The following CPNE4 variants were observed in gnomAD, a reference collection of about 807,000 sequenced individuals.
The protein encoded by CPNE4 is copine 4.
CPNE4 carries 25 observed loss-of-function variants against 67.9 expected under a neutral mutation model. The ratio of observed to expected loss-of-function variants is 0.37; its 90% CI spans 0.27 to 0.51. CPNE4 has a LOEUF of 0.51. Among genes scored for constraint, CPNE4 ranks in the 20% least tolerant of loss-of-function variants. The pLI is 0.93. For missense variants in CPNE4, 464 were observed against 690.8 expected, an observed-to-expected ratio of 0.67 and a Z score of 3.68; for synonymous variants, 242 against 244.9, an observed-to-expected ratio of 0.99 and a Z score of 0.11.
chr3:132,035,599 T>G (rs1410840135), upstream of CPNE4, among the ~76,000 whole-genome samples: 1 of 152,220 alleles, frequency 6.6e-6, no homozygotes, highest in African/African-American at 2.4e-5. Flanking sequence ...AAATATGCTG[T>G]CTTATGTAAG....
intron 2 of CPNE4, among the ~76,000 whole-genome samples, chr3:131,855,408 T>A (rs1487260643): frequency 6.6e-6 from 1 of 152,012 alleles, no homozygotes; most frequent in Non-Finnish European, 1.5e-5. Flanking sequence ...ATCTACAGCT[T>A]CTACACACAA....
At chr3:131,826,069 A>C (rs1161968398) in intron 2 of CPNE4, among the ~76,000 whole-genome samples, 4 of 152,224 alleles carry the variant, frequency 2.6e-5, no homozygotes, top group African/African-American at 9.6e-5. Flanking sequence ...ACCTCATCAT[A>C]AACATTGTCT....
chr3:131,876,627 G>A (rs2087466227), intron 2 of CPNE4, among the ~76,000 whole-genome samples: 1 of 125,264 alleles, frequency 8.0e-6, no homozygotes, highest in Non-Finnish European at 1.6e-5. Context: ...GGGCGACAGA[G>A]CAAGACTCCG....
chr3:131,862,775 G>A (rs2086745078), intron 2 of CPNE4, among the ~76,000 whole-genome samples: 1 of 151,854 alleles, frequency 6.6e-6, no homozygotes, highest in African/African-American at 2.4e-5. Flanking sequence ...TGTTACATAT[G>A]TATACATGTG....
intron 2 of CPNE4, among the ~76,000 whole-genome samples, chr3:131,783,161 C>G (rs9289397): frequency 1.3e-5 from 2 of 152,080 alleles, no homozygotes; most frequent in African/African-American, 4.8e-5. Flanking sequence ...TTGGAATAAG[C>G]ATTTTGGCTT....
intron 2 of CPNE4, among the ~76,000 whole-genome samples, chr3:131,774,035 T>C (rs115525965): frequency 9.2e-4 from 140 of 152,248 alleles, no homozygotes; most frequent in African/African-American, 3.2e-3. Flanking sequence ...TTAAAACATA[T>C]ATTTTGAGAC....
At chr3:131,551,027 C>T (rs1936145957) in intron 13 of CPNE4, among the ~76,000 whole-genome samples, 1 of 152,082 alleles carries the variant, frequency 6.6e-6, no homozygotes, top group South Asian at 2.1e-4. Context: ...TGTGTTATTG[C>T]TTGCCTTCCC....
chr3:131,648,193 G>A (rs555404134), intron 7 of CPNE4, among the ~76,000 whole-genome samples: 4 of 152,158 alleles, frequency 2.6e-5, no homozygotes, highest in Admixed American at 6.5e-5. Flanking sequence ...GAAACATAGT[G>A]AAATCCTAAC....
In CPNE4 at chr3:131,575,100, T is replaced by C; in HGVS notation, c.898A>G (p.Ile300Val). 1.7e-5 allele frequency: 28 copies of C among 1,612,794 alleles called. No individual in the cohort carries two copies. Among genetic ancestry groups the C allele is most frequent in the Non-Finnish European group, 2.3e-5 (27 of 1,179,132 alleles). The change falls in exon 10 of 16, where the codon ATC (isoleucine) becomes GTC (valine). Residue 300 changes from isoleucine to valine, a missense_variant. Around this residue, in one of 6 missense-constraint regions of CPNE4, gnomAD observed 201 missense variants for 357.7 expected, o/e 0.56. Transcript: ENST00000429747. The stretch of plus-strand genomic sequence containing the variant: ...AACTGGATTTGGCAGCCACCCATGA[T>C]GTAGTCCAAGAAAGAATGCATCTTG... ...IHKMHSFLDY[I>V]MGGCQIQFTV...
At chr3:131,653,143 C>CCTT in intron 7 of CPNE4, among the ~76,000 whole-genome samples, 1 of 98,572 alleles carries the variant, frequency 1.0e-5, no homozygotes, top group South Asian at 3.5e-4. Flanking sequence ...GATAGGACTT[C>CCTT]TTTTTTTTTT....
intron 2 of CPNE4, among the ~76,000 whole-genome samples, chr3:131,775,163 A>G (rs901451446): frequency 1.3e-5 from 2 of 152,118 alleles, no homozygotes; most frequent in African/African-American, 4.8e-5. Context: ...TTCACCTCCA[A>G]AGAAGGCCCT....
At chr3:131,607,216 G>GA (rs1939562260) in intron 7 of CPNE4, among the ~76,000 whole-genome samples, 1 of 151,638 alleles carries the variant, frequency 6.6e-6, no homozygotes, top group Non-Finnish European at 1.5e-5. Context: ...CTTCCACCGA[G>GA]ATGGAGTCAG....
intron 2 of CPNE4, among the ~76,000 whole-genome samples, chr3:131,787,557 G>A (rs777623733): frequency 7.2e-5 from 11 of 152,108 alleles, no homozygotes; most frequent in South Asian, 2.1e-4. Context: ...TGGATCTGGC[G>A]GCTGAAGGCT....
Position 131,669,774 on chromosome 3 carries a change from G to C in CPNE4, c.592-10C>G. 1.2e-6 allele frequency: 2 copies of C among 1,603,444 alleles called. No individual in the cohort carries two copies. The highest frequency in any genetic ancestry group is 1.7e-4 in the Middle Eastern group (1 of 6,040). On this transcript the variant is annotated splice_polypyrimidine_tract_variant and intron_variant, in intron 6 of 15. Coordinates refer to ENST00000429747, the MANE Select transcript of CPNE4 (RefSeq NM_130808.3). ...AGTTATTCATCACAACCTGGGAAAA[G>C]AAAGAGAGGAGTGGTGAGTGGGGGA...
At chr3:131,942,838 T>C (rs1159886758) in intron 1 of CPNE4, among the ~76,000 whole-genome samples, 2 of 152,292 alleles carry the variant, frequency 1.3e-5, no homozygotes, top group South Asian at 2.1e-4. Flanking sequence ...TAAGATCTCT[T>C]CCTGCCAACC....
intron 1 of CPNE4, among the ~76,000 whole-genome samples, chr3:131,946,497 G>A (rs998263456): frequency 2.0e-5 from 3 of 152,110 alleles, no homozygotes; most frequent in African/African-American, 7.2e-5. Context: ...TGGATGTACA[G>A]GTAGTCAACA....
At chr3:131,821,513 G>A (rs550431759) in intron 2 of CPNE4, among the ~76,000 whole-genome samples, 13 of 152,180 alleles carry the variant, frequency 8.5e-5, no homozygotes, top group Admixed American at 1.3e-4. Flanking sequence ...AAGATGAAAG[G>A]CCTGGAGAAA....
intron 3 of CPNE4, among the ~76,000 whole-genome samples, chr3:131,706,266 T>C (rs2081411448): frequency 6.6e-6 from 1 of 152,172 alleles, no homozygotes; most frequent in Non-Finnish European, 1.5e-5. Context: ...TGTTATTACT[T>C]TTTCAAGGGA....
rs1940554322 is a variant in CPNE4, at chr3:131,622,932, T to TTGTTGCTGTTGTTGTTC, written c.682-35367_682-35351dup. Among the ~76,000 whole-genome samples, 5 of 152,170 alleles carry TTGTTGCTGTTGTTGTTC rather than the reference T, an allele frequency of 3.3e-5. No homozygotes were observed. In the South Asian group the frequency reaches 1.0e-3, roughly 32 times the overall value. On this transcript the variant is annotated intron_variant, in intron 7 of 15. Coordinates refer to ENST00000429747, the MANE Select transcript of CPNE4 (RefSeq NM_130808.3). ...TTAAGTTGGGTTTCATCACTTTTTG[T>TTGTTGCTGTTGTTGTTC]TGTTGCTGTTGTTGTTCTGTTGCTT... is the stretch of plus-strand genomic sequence containing the variant.
Sources: allele counts gnomAD v4.1 joint callset (sites outside exome capture counted in the v4.1 genomes callset), GRCh38; gene constraint gnomAD v4.1.1; regional missense constraint gnomAD v4.1.1; transcripts MANE v1.5; gene names NCBI Gene and HGNC (gene_info 2026-07-23, HGNC 2026-07-21).